ADGRE3: variants seen among roughly 807,000 people sequenced by gnomAD.
ADGRE3 encodes the protein adhesion G protein-coupled receptor E3.
ADGRE3 carries 88 observed loss-of-function variants against 80.1 expected under a neutral mutation model. That is an observed-to-expected ratio of 1.10 (90% CI 0.93 to 1.31). The LOEUF (loss-of-function observed/expected upper bound fraction) is 1.31, where lower values mean the gene tolerates loss of function less well. Among genes scored for constraint, ADGRE3 ranks in the 40% most tolerant of loss-of-function variants. The pLI, the probability that ADGRE3 is intolerant of heterozygous loss-of-function variation, is 0.00. For synonymous variants in ADGRE3, 281 were observed against 294.8 expected (o/e 0.95, Z 0.48); for missense variants, 715 against 776.5 (o/e 0.92, Z 0.94).
the ADGRE3 span, among the ~76,000 whole-genome samples, chr19:14,606,635 G>A: frequency 2.8e-5 from 4 of 144,418 alleles, no homozygotes; most frequent in East Asian, 2.1e-4. Context: ...AGCTGAGATC[G>A]CACCACAGCA....
rs751933998 is a variant in ADGRE3, at chr19:14,619,433, T to C, written c.1959A>G (p.Ter653=). ...VFPGQVKRKY[*] is the part of the protein sequence containing the mutation. Reference sequence around the variant, plus strand: ...CCATATGGAGTTGAATATTCTAGTTTTAATATTTTCTCTTCACTTGTCCTG... The same window carrying C: ...CCATATGGAGTTGAATATTCTAGTTCTAATATTTTCTCTTCACTTGTCCTG... The change falls in exon 16 of 16, where the codon TAA becomes TAG. Residue 653 remains the stop codon, a stop_retained_variant. Coordinates refer to ENST00000253673, the MANE Select transcript of ADGRE3 (RefSeq NM_032571.5). 1.9e-6 allele frequency: 3 copies of C among 1,581,526 alleles called. No individual in the cohort carries two copies.
At position 14,636,149 on chromosome 19, in the gene ADGRE3, T is replaced by TTC. The variant is rs1555755847; in HGVS notation, c.1484+1955_1484+1956insGA. On this transcript the variant is annotated intron_variant, in intron 11 of 15. Transcript: ENST00000253673. Reference sequence around the variant, plus strand: ...TTCTTTCTTTCTTTCTTTCTTTCTTTCTTCCTTTCCTCCTTTCCTTTCCTT... The same window carrying TTC: ...TTCTTTCTTTCTTTCTTTCTTTCTTTTCCTTCCTTTCCTCCTTTCCTTTCCTT... 3.0e-4 allele frequency among the ~76,000 whole-genome samples: 12 copies of TTC among 40,544 alleles called. 3 individuals carry two copies. The highest frequency in any genetic ancestry group is 4.8e-4 in the Non-Finnish European group (9 of 18,678). The allele number at this position is 40,544 out of a possible 152,430, so 26.6% of individuals were successfully genotyped here. A position where few individuals can be genotyped will look rare whatever the true frequency, so the allele number is the denominator to read the frequency against.
intron 9 of ADGRE3, among the ~76,000 whole-genome samples, chr19:14,643,144 G>GTTT (rs373306807): frequency 5.6e-5 from 7 of 124,074 alleles, no homozygotes; most frequent in African/African-American, 1.5e-4. Flanking sequence ...AGTAATCATG[G>GTTT]TTTTTTTTTT....
chr19:14,656,303 G>A (rs1202409065), intron 5 of ADGRE3, among the ~76,000 whole-genome samples: 29 of 141,866 alleles, frequency 2.0e-4, no homozygotes, highest in Non-Finnish European at 3.6e-4. Flanking sequence ...GTAGTGAGCC[G>A]AGATCACATC....
chr19:14,650,904 A>G (rs1971587960), intron 7 of ADGRE3, among the ~76,000 whole-genome samples, 181 bp downstream of exon 7: 1 of 152,106 alleles, frequency 6.6e-6, no homozygotes, highest in Non-Finnish European at 1.5e-5. Context: ...CCCATACTGA[A>G]TAACAGAAAA....
chr19:14,606,143 G>A, the ADGRE3 span, among the ~76,000 whole-genome samples: 1 of 151,748 alleles, frequency 6.6e-6, no homozygotes, highest in South Asian at 2.1e-4. Flanking sequence ...TAAGGCTACC[G>A]AGTAGCACAA....
chr19:14,663,543 G>A lies in ADGRE3; in HGVS notation c.77-3C>T, dbSNP rs758271999. 9 of 1,611,956 alleles carry A rather than the reference G, an allele frequency of 5.6e-6. No individual in the cohort carries two copies. The highest frequency in any genetic ancestry group is 7.6e-6 in the Non-Finnish European group (9 of 1,178,702). On this transcript the variant is annotated splice_region_variant and splice_polypyrimidine_tract_variant and intron_variant, in intron 2 of 15. Coordinates refer to ENST00000253673, the MANE Select transcript of ADGRE3 (RefSeq NM_032571.5). ...TGGGGGGCACTTAGCACAGGAAGCT[G>A]CAGGGAGAAGAGAGGCAGGTTAAAT...
intron 8 of ADGRE3, among the ~76,000 whole-genome samples, chr19:14,644,736 T>C (rs7250114): frequency 0.21 from 31,223 of 152,078 alleles, 3,482 homozygotes; most frequent in African/African-American, 0.29. Context: ...TTTTGTTTGT[T>C]TGTTTTTGAG....
At chr19:14,656,220 C>A (rs1275294262) in intron 5 of ADGRE3, among the ~76,000 whole-genome samples, 1 of 151,690 alleles carries the variant, frequency 6.6e-6, no homozygotes, top group African/African-American at 2.4e-5. Context: ...TGGCGCGTGC[C>A]TGTAATCCCA....
intron 7 of ADGRE3, among the ~76,000 whole-genome samples, chr19:14,650,576 GC>G (rs1189621039): frequency 2.8e-5 from 4 of 144,698 alleles, no homozygotes; most frequent in African/African-American, 1.0e-4. Flanking sequence ...TTACCCATCT[GC>G]CTCTCCACAT....
chr19:14,641,983 A>G, intron 9 of ADGRE3, among the ~76,000 whole-genome samples: 2 of 152,170 alleles, frequency 1.3e-5, no homozygotes, highest in Middle Eastern at 6.8e-3. Flanking sequence ...TGGACATATG[A>G]TTTTTTTCCC....
At chr19:14,659,106 G>T (rs1432943551) in intron 4 of ADGRE3, among the ~76,000 whole-genome samples, 1 of 151,690 alleles carries the variant, frequency 6.6e-6, no homozygotes, top group African/African-American at 2.4e-5. Flanking sequence ...CACAATCTTG[G>T]CTCACTGCAA....
In ADGRE3 at chr19:14,661,958, C is replaced by G; in HGVS notation, c.355+5G>C. ...AGGAAGGCAGGAGGACAAAAATGTT[C>G]TTACCCTGACAGGTGTTCTCATTGG... is the stretch of plus-strand genomic sequence containing the variant. On this transcript the variant is annotated splice_donor_5th_base_variant and intron_variant, in intron 4 of 15. Coordinates refer to ENST00000253673, the MANE Select transcript of ADGRE3 (RefSeq NM_032571.5). The G allele has an allele frequency of 6.2e-7, 1 of 1,613,724 alleles. No individual in the cohort carries two copies. Among genetic ancestry groups the G allele is most frequent in the Non-Finnish European group, 8.5e-7 (1 of 1,179,740 alleles).
In ADGRE3 at chr19:14,638,846, G is replaced by C. The variant is rs576802769; in HGVS notation, c.1249-506C>G. Among the ~76,000 whole-genome samples, 81 of 152,092 alleles carry C rather than the reference G, an allele frequency of 5.3e-4. 2 individuals are homozygous for C. In the South Asian group the frequency reaches 0.015, roughly 28 times the overall value. On this transcript the variant is annotated intron_variant, in intron 10 of 15. Coordinates refer to ENST00000253673, the MANE Select transcript of ADGRE3 (RefSeq NM_032571.5). ...CTACTCTCTACTCCTACTGTATTGC[G>C]TGGTGACTATAGTTAATATATTATG...
the ADGRE3 span, among the ~76,000 whole-genome samples, chr19:14,613,214 C>G: frequency 1.3e-5 from 2 of 151,938 alleles, no homozygotes; most frequent in Admixed American, 1.3e-4. Flanking sequence ...GCGTGAGCCA[C>G]CATGCCTGGC....
chr19:14,670,010 C>T (rs1222149146), intron 1 of ADGRE3, among the ~76,000 whole-genome samples: 1 of 152,106 alleles, frequency 6.6e-6, no homozygotes, highest in South Asian at 2.1e-4. Flanking sequence ...ACCCAGTCTC[C>T]ACCATTATGC....
At chr19:14,647,689 A>G (rs1971454612) in intron 7 of ADGRE3, among the ~76,000 whole-genome samples, 1 of 150,978 alleles carries the variant, frequency 6.6e-6, no homozygotes, top group Non-Finnish European at 1.5e-5. Flanking sequence ...AAGTGCTGGG[A>G]TTACAGGCAT....
At chr19:14,651,785 T>C (rs945410956) in intron 6 of ADGRE3, among the ~76,000 whole-genome samples, 1 of 152,160 alleles carries the variant, frequency 6.6e-6, no homozygotes, top group African/African-American at 2.4e-5. Flanking sequence ...CTCATGCTTG[T>C]AATCCCAGCA....
chr19:14,673,674 T>C (rs1972314953), intron 1 of ADGRE3, among the ~76,000 whole-genome samples: 1 of 152,232 alleles, frequency 6.6e-6, no homozygotes, highest in South Asian at 2.1e-4. Context: ...ATACTGATGA[T>C]GCAACAGATT....
Sources: allele counts gnomAD v4.1 joint callset (sites outside exome capture counted in the v4.1 genomes callset), GRCh38; gene constraint gnomAD v4.1.1; transcripts MANE v1.5; gene names NCBI Gene and HGNC (gene_info 2026-07-23, HGNC 2026-07-21).